SPIDR: variants seen among roughly 807,000 people sequenced by gnomAD.
SPIDR encodes scaffold protein involved in DNA repair.
SPIDR carries 93 observed loss-of-function variants against 104.6 expected under a neutral mutation model. That is an observed-to-expected ratio of 0.89 (90% CI 0.75 to 1.06). SPIDR has a LOEUF of 1.06. Among genes scored for constraint, SPIDR ranks in the 50% least tolerant of loss-of-function variants. The pLI is 0.00. For missense variants in SPIDR, 1,154 were observed against 1,111.2 expected (o/e 1.04, Z -0.55); for synonymous variants, 431 against 416.9 (o/e 1.03, Z -0.41).
chr8:47,653,955 G>A (rs536028202), intron 10 of SPIDR: 2 of 1,236,434 alleles, frequency 1.6e-6, no homozygotes, highest in Admixed American at 2.7e-5. Flanking sequence ...AAGACATGGA[G>A]TTTCAGTTTG....
chr8:47,719,455 G>A (rs13280068), intron 16 of SPIDR, among the ~76,000 whole-genome samples: 32,274 of 151,758 alleles, frequency 0.21, 4,497 homozygotes, highest in South Asian at 0.42. Context: ...CTTGCAGTGA[G>A]CCGAGACTGC....
At chr8:47,662,833 C>A (rs774598035) in intron 10 of SPIDR, among the ~76,000 whole-genome samples, 5 of 152,126 alleles carry the variant, frequency 3.3e-5, no homozygotes, top group Non-Finnish European at 7.4e-5. Flanking sequence ...AAAAGAGGCC[C>A]AAGAGAGTCA....
chr8:47,437,608 C>CA (rs1298393224), intron 7 of SPIDR, among the ~76,000 whole-genome samples: 1 of 152,000 alleles, frequency 6.6e-6, no homozygotes, highest in Non-Finnish European at 1.5e-5. Flanking sequence ...CAAAAGAAGA[C>CA]ATTTATGCAG....
intron 5 of SPIDR, among the ~76,000 whole-genome samples, chr8:47,389,429 C>T (rs1390481014): frequency 2.0e-5 from 3 of 152,106 alleles, no homozygotes; most frequent in Non-Finnish European, 4.4e-5. Context: ...GTGGCTCACA[C>T]CTGTAATCCC....
At chr8:47,540,705 C>T (rs896413417) in intron 8 of SPIDR, among the ~76,000 whole-genome samples, 1 of 152,032 alleles carries the variant, frequency 6.6e-6, no homozygotes, top group East Asian at 1.9e-4. Context: ...TCTTGTCTTT[C>T]CCCCCATTGC....
intron 1 of SPIDR, among the ~76,000 whole-genome samples, chr8:47,266,190 C>T (rs954668009): frequency 1.1e-4 from 16 of 145,892 alleles, no homozygotes; most frequent in Middle Eastern, 3.7e-3. Context: ...AGTGCAATAG[C>T]GCGATCTCGG....
chr8:47,277,900 C>A (rs1029108459), intron 1 of SPIDR, among the ~76,000 whole-genome samples: 1 of 151,770 alleles, frequency 6.6e-6, no homozygotes, highest in Non-Finnish European at 1.5e-5. Context: ...GGTCTTAACT[C>A]CTGACTTTGT....
intron 5 of SPIDR, among the ~76,000 whole-genome samples, chr8:47,387,027 G>A (rs566718616): frequency 6.6e-6 from 1 of 152,114 alleles, no homozygotes; most frequent in African/African-American, 2.4e-5. Context: ...ATTTCTGCTA[G>A]GGTGCTGAAG....
intron 5 of SPIDR, among the ~76,000 whole-genome samples, chr8:47,362,734 C>T (rs1554631071): frequency 6.6e-6 from 1 of 151,936 alleles, no homozygotes; most frequent in Non-Finnish European, 1.5e-5. Context: ...CTTACTGCAA[C>T]CTCCACCTCC....
rs2061113998 is a variant in SPIDR at position 47,395,175 on chromosome 8, C to T, written c.526-1201C>T. Among the ~76,000 whole-genome samples, 3 of 151,986 alleles carry T rather than the reference C, an allele frequency of 2.0e-5. No homozygotes were observed. The South Asian group carries it at 6.2e-4, about 32-fold the overall frequency. On this transcript the variant is annotated intron_variant, in intron 5 of 19. Coordinates refer to ENST00000297423, the MANE Select transcript of SPIDR (RefSeq NM_001080394.4). ...ACCAGCCTGGCCAACATGGTGAAACCCCGTCTCTACTAAATGTACAAAAAT... is the reference window on the plus strand; with the variant it reads ...ACCAGCCTGGCCAACATGGTGAAACTCCGTCTCTACTAAATGTACAAAAAT...
chr8:47,353,155 G>A (rs893624431), intron 5 of SPIDR, among the ~76,000 whole-genome samples: 5 of 151,178 alleles, frequency 3.3e-5, no homozygotes, highest in South Asian at 2.1e-4. Flanking sequence ...GTTCTAAATA[G>A]CATCAAACAT....
chr8:47,396,599 AAAATTCAGC>A lies in SPIDR; in HGVS notation c.753_761del (p.Asn251_Ala253del). The A allele has an allele frequency of 6.2e-7, 1 of 1,613,466 alleles. No individual in the cohort carries two copies. Among genetic ancestry groups the A allele is most frequent in the East Asian group, 2.2e-5 (1 of 44,870 alleles). ...ACAGCTAAGTTTCCCAGGACTCCAG[AAAATTCAGC>A]AAAGAAGAAGCTTTTAAGGTTAAAT... On this transcript the variant is annotated inframe_deletion, in exon 6 of 20. Coordinates refer to ENST00000297423, the MANE Select transcript of SPIDR (RefSeq NM_001080394.4).
At chr8:47,519,249 A>T (rs1389783315) in intron 8 of SPIDR, among the ~76,000 whole-genome samples, 1 of 152,020 alleles carries the variant, frequency 6.6e-6, no homozygotes, top group African/African-American at 2.4e-5. Context: ...GGTTCAAGCA[A>T]TTCTCCTGCA....
chr8:47,399,845 A>G (rs1172759185), intron 6 of SPIDR, among the ~76,000 whole-genome samples: 3 of 152,156 alleles, frequency 2.0e-5, no homozygotes, highest in African/African-American at 7.2e-5. Context: ...GACTGGGGAA[A>G]AGGTTGGTCA....
intron 5 of SPIDR, among the ~76,000 whole-genome samples, chr8:47,366,302 A>G (rs184002384): frequency 2.6e-5 from 4 of 152,240 alleles, no homozygotes; most frequent in Non-Finnish European, 5.9e-5. Context: ...TCCAGGGGAC[A>G]CTGTTAGCCT....
At chr8:47,591,896 G>A (rs759655247) in intron 8 of SPIDR, among the ~76,000 whole-genome samples, 5 of 151,326 alleles carry the variant, frequency 3.3e-5, no homozygotes, top group South Asian at 2.1e-4. Context: ...GAAACGGGGC[G>A]GGGGGGCACT....
chr8:47,371,056 G>T (rs2057951063), intron 5 of SPIDR, among the ~76,000 whole-genome samples: 1 of 150,506 alleles, frequency 6.6e-6, no homozygotes, highest in Non-Finnish European at 1.5e-5. Context: ...AAGGCAGACT[G>T]TCTAGCCTAC....
chr8:47,290,731 T>G (rs1351385298), intron 3 of SPIDR, among the ~76,000 whole-genome samples: 1 of 152,212 alleles, frequency 6.6e-6, no homozygotes, highest in Admixed American at 6.5e-5. Flanking sequence ...AGTTATACTT[T>G]TATAAATGTT....
intron 8 of SPIDR, among the ~76,000 whole-genome samples, chr8:47,581,990 G>A (rs1221082572): frequency 2.0e-5 from 3 of 152,196 alleles, no homozygotes; most frequent in Admixed American, 2.0e-4. Flanking sequence ...GCTGAAGTGG[G>A]TGGATCACCT....
Sources: allele counts gnomAD v4.1 joint callset (sites outside exome capture counted in the v4.1 genomes callset), GRCh38; gene constraint gnomAD v4.1.1; transcripts MANE v1.5; gene names NCBI Gene and HGNC (gene_info 2026-07-23, HGNC 2026-07-21).